Variants in RFPL2 observed in about 807,000 individuals in gnomAD.
RFPL2 encodes ret finger protein like 2.
RFPL2 carries 13 observed loss-of-function variants against 17.8 expected under a neutral mutation model. That is an observed-to-expected ratio of 0.73 (90% CI 0.47 to 1.16). RFPL2 has a LOEUF of 1.16. Among genes scored for constraint, RFPL2 ranks in the 50% most tolerant of loss-of-function variants. The pLI, the probability that RFPL2 is intolerant of heterozygous loss-of-function variation, is 0.00. For missense variants in RFPL2, 431 were observed against 479.3 expected (o/e 0.90, Z 0.94); for synonymous variants, 189 against 180.9 (o/e 1.04, Z -0.36).
intron 1 of RFPL2, among the ~76,000 whole-genome samples, chr22:32,204,114 G>T (rs1273166638): frequency 1.9e-5 from 1 of 53,378 alleles, no homozygotes; most frequent in African/African-American, 8.3e-5. Flanking sequence ...CACCCAACCC[G>T]CACCCCCACC....
intron 2 of RFPL2, chr22:32,199,860 T>A (rs963107278): frequency 7.3e-6 from 3 of 412,708 alleles, no homozygotes; most frequent in Non-Finnish European, 1.5e-5. Flanking sequence ...TACACTGAGG[T>A]CAGGGGGCTC....
intron 2 of RFPL2, among the ~76,000 whole-genome samples, chr22:32,201,036 T>A (rs1923864954): frequency 6.9e-6 from 1 of 144,834 alleles, no homozygotes; most frequent in South Asian, 2.1e-4. Flanking sequence ...GTTCCCTTAT[T>A]TCCTTTTTTT....
rs768506824 is a variant in RFPL2 at position 32,193,098 on chromosome 22, G to A, written c.360C>T (p.Val120=). The A allele has an allele frequency of 6.2e-7, 1 of 1,613,972 alleles. No homozygotes were observed. The highest frequency in any genetic ancestry group is 1.7e-5 in the Admixed American group (1 of 60,028). ...KPMSLECGCA[V]CLKCINSLQK... is the part of the protein sequence containing the mutation. ...GCAGTGAATTAATGCACTTGAGGCAGACGGCGCATCCACACTCCAGGGACA... is the reference window on the plus strand; with the variant it reads ...GCAGTGAATTAATGCACTTGAGGCAAACGGCGCATCCACACTCCAGGGACA... Residue 120 remains valine (V), a synonymous_variant, in exon 4 of 5, where the codon GTC becomes GTT. Transcript: ENST00000652607.
At chr22:32,197,131 A>G (rs1449145494) in intron 2 of RFPL2, among the ~76,000 whole-genome samples, 1 of 152,220 alleles carries the variant, frequency 6.6e-6, no homozygotes, top group Non-Finnish European at 1.5e-5. Flanking sequence ...CAGGACAGAT[A>G]CTCAGGAAGA....
At chr22:32,200,123 C>T (rs114256561) in intron 2 of RFPL2, 4,582 of 392,702 alleles carry the variant, frequency 0.012, 122 homozygotes, top group African/African-American at 0.061. Flanking sequence ...CAGCCAGAAG[C>T]GACCTGAGCC....
chr22:32,191,612 G>A (rs1485099258), intron 4 of RFPL2, among the ~76,000 whole-genome samples: 2 of 152,072 alleles, frequency 1.3e-5, no homozygotes, highest in African/African-American at 4.8e-5. Context: ...CCTTTTCTTC[G>A]TTTAGAGTGG....
In RFPL2 at chr22:32,191,086, C is replaced by T; in HGVS notation, c.823G>A (p.Gly275Arg). 3 of 1,613,998 alleles carry T rather than the reference C, an allele frequency of 1.9e-6. No homozygotes were observed. Among genetic ancestry groups the T allele is most frequent in the Middle Eastern group, 1.7e-4 (1 of 6,056 alleles). ...KGRIQLTTEL[G>R]FWTVSLRDGG... ...TCCCTCAAACTCACAGTCCAGAATC[C>T]AAGCTCTGTGGTCAGCTGGATCCTC... The change falls in exon 5 of 5, where the codon GGA becomes AGA. Residue 275 changes from glycine (G) to arginine (R), a missense_variant. Physicochemically the swap from Gly to Arg is moderately radical, Grantham distance 125. Transcript: ENST00000652607.
intron 2 of RFPL2, chr22:32,199,889 G>T (rs5998297): frequency 0.072 from 31,560 of 438,888 alleles, 4,589 homozygotes; most frequent in African/African-American, 0.43. Context: ...ACAACAGGAT[G>T]CTGACCTCCT....
chr22:32,201,107 A>G (rs1166357150), intron 2 of RFPL2, among the ~76,000 whole-genome samples: 1 of 140,470 alleles, frequency 7.1e-6, no homozygotes, highest in Non-Finnish European at 1.5e-5. Flanking sequence ...GTGCAATCTC[A>G]GCTCACTGCA....
chr22:32,197,332 A>G (rs765345569), intron 2 of RFPL2, among the ~76,000 whole-genome samples: 38 of 152,204 alleles, frequency 2.5e-4, no homozygotes, highest in Non-Finnish European at 2.9e-4. Context: ...TTAAAGGCAC[A>G]GTGCTGGCTG....
In RFPL2 at chr22:32,202,384, A is replaced by G; in HGVS notation, c.68T>C (p.Val23Ala). The change falls in exon 2 of 5, where the codon GTA (valine) becomes GCA (alanine). Residue 23 changes from valine to alanine, a missense_variant. Val to Ala is a moderately conservative substitution (Grantham distance 64). Transcript: ENST00000652607. ...VSQSRICLCA[V>A]LCGHWDFADM... ...TGCAAAGTCCCAGTGGCCACACAAT[A>G]CAGCACATAGACAGATCCTGGATTG... 6.2e-7 allele frequency: 1 copy of G among 1,606,682 alleles called. No homozygotes were observed. Among genetic ancestry groups the G allele is most frequent in the Non-Finnish European group, 8.5e-7 (1 of 1,176,730 alleles).
intron 2 of RFPL2, among the ~76,000 whole-genome samples, chr22:32,198,656 T>C (rs1216704732): frequency 6.6e-6 from 1 of 151,866 alleles, no homozygotes; most frequent in Non-Finnish European, 1.5e-5. Flanking sequence ...CTTTTCTGTA[T>C]CTCGTGTTGG....
intron 2 of RFPL2, among the ~76,000 whole-genome samples, chr22:32,196,041 T>C (rs1004860778): frequency 2.0e-5 from 3 of 152,136 alleles, no homozygotes; most frequent in Non-Finnish European, 4.4e-5. Flanking sequence ...CCAGCCTCTA[T>C]ACCCACAATT....
intron 2 of RFPL2, among the ~76,000 whole-genome samples, chr22:32,197,860 C>G (rs1156369298): frequency 6.6e-6 from 1 of 152,194 alleles, no homozygotes; most frequent in Non-Finnish European, 1.5e-5. Context: ...CCGGCTGCTA[C>G]TTACATAGTC....
chr22:32,204,123 C>CGGATAGCG (rs1924285097), intron 1 of RFPL2, among the ~76,000 whole-genome samples: 1 of 148,706 alleles, frequency 6.7e-6, no homozygotes, highest in African/African-American at 2.5e-5. Context: ...CGCACCCCCA[C>CGGATAGCG]CCCCGCCACT....
At chr22:32,200,065 C>A (rs1439212699) in intron 2 of RFPL2, 5 of 451,536 alleles carry the variant, frequency 1.1e-5, no homozygotes, top group Non-Finnish European at 2.2e-5. Context: ...ACCCCTGTCA[C>A]CCAGGGTATG....
At chr22:32,203,531 A>G (rs893827309) in intron 1 of RFPL2, 2 of 151,764 alleles carry the variant, frequency 1.3e-5, no homozygotes, top group African/African-American at 4.9e-5. Flanking sequence ...TAGCGCACCG[A>G]ACTCACTCCC....
chr22:32,204,304 C>T (rs1924311174), intron 1 of RFPL2, among the ~76,000 whole-genome samples: 1 of 152,142 alleles, frequency 6.6e-6, no homozygotes, highest in Admixed American at 6.5e-5. Context: ...AACCCGTACC[C>T]CAGCGCGACC....
rs1924372733 is a variant in RFPL2, at chr22:32,205,003, G to A, written c.-396C>T. The A allele has an allele frequency of 6.6e-6, 1 of 152,272 alleles. No homozygotes were observed. Among genetic ancestry groups the A allele is most frequent in the Non-Finnish European group, 1.5e-5 (1 of 68,082 alleles). The allele number at this position is 152,272 out of a possible 1,614,324, so 9.4% of individuals were successfully genotyped here. A position where few individuals can be genotyped will look rare whatever the true frequency, so the allele number is the denominator to read the frequency against. ...AGAAACTTCATTTGCATTAAACTCA[G>A]TATATAAAGGATGCCAAGAGGGGTG... On this transcript the variant is annotated 5_prime_UTR_variant, in exon 1 of 5. Transcript: ENST00000652607.
Sources: allele counts gnomAD v4.1 joint callset (sites outside exome capture counted in the v4.1 genomes callset), GRCh38; gene constraint gnomAD v4.1.1; transcripts MANE v1.5; gene names NCBI Gene and HGNC (gene_info 2026-07-23, HGNC 2026-07-21).